Variants in TBC1D22B observed in about 807,000 individuals in gnomAD.
TBC1D22B encodes chromosome 6 open reading frame 197.
A neutral mutation model predicts 69.1 loss-of-function variants in TBC1D22B; 32 were observed. The observed-to-expected ratio is 0.46, with a 90% CI of 0.35 to 0.62. The LOEUF is 0.62. Among genes scored for constraint, TBC1D22B ranks in the 20% least tolerant of loss-of-function variants. The pLI, the probability that TBC1D22B is intolerant of heterozygous loss-of-function variation, is 0.00. For synonymous variants in TBC1D22B, 206 were observed against 229.8 expected (o/e 0.90, Z 0.94); for missense variants, 462 against 630.9 (o/e 0.73, Z 2.87).
rs769489560 is a variant in TBC1D22B, at chr6:37,257,891, C to A, written c.-27C>A. 6.8e-6 allele frequency: 11 copies of A among 1,611,924 alleles called. No individual in the cohort carries two copies. The East Asian group carries it at 2.5e-4, about 36-fold the overall frequency. ...CTCGCCGGGCAAACCCTTGGCCCGC[C>A]TACAAGGACTTCCCCCGGCCAGAGC... On this transcript the variant is annotated 5_prime_UTR_variant, in exon 1 of 13. Coordinates refer to ENST00000373491, the MANE Select transcript of TBC1D22B (RefSeq NM_017772.4).
intron 12 of TBC1D22B, among the ~76,000 whole-genome samples, chr6:37,330,827 G>A (rs1235761273): frequency 1.3e-5 from 2 of 152,148 alleles, no homozygotes; most frequent in African/African-American, 4.8e-5. Flanking sequence ...AGAGACAGGT[G>A]TTAGTGGACT....
intron 12 of TBC1D22B, among the ~76,000 whole-genome samples, chr6:37,327,414 CT>C (rs1768450168): frequency 9.9e-6 from 1 of 101,130 alleles, no homozygotes; most frequent in Admixed American, 1.5e-4. Context: ...GGAGGCGGAG[CT>C]TGCAGTGAGC....
At chr6:37,326,598 C>T (rs997684149) in intron 12 of TBC1D22B, among the ~76,000 whole-genome samples, 1 of 152,022 alleles carries the variant, frequency 6.6e-6, no homozygotes, top group African/African-American at 2.4e-5. Context: ...ATCATCCTGG[C>T]TTAACGGTGA....
intron 8 of TBC1D22B, among the ~76,000 whole-genome samples, chr6:37,303,192 G>T (rs1220109527): frequency 1.3e-5 from 2 of 152,156 alleles, no homozygotes; most frequent in Non-Finnish European, 2.9e-5. Flanking sequence ...ATACACTTAG[G>T]GGTCCTGTCA....
chr6:37,266,930 CTTTTTTTTTTTTTT>C (rs35702920), intron 1 of TBC1D22B, among the ~76,000 whole-genome samples: 2 of 54,858 alleles, frequency 3.6e-5, no homozygotes, highest in African/African-American at 1.5e-4. Context: ...TTTTCTTCGT[CTTTTTTTTTTTTTT>C]TTTTTTTTTT....
At chr6:37,268,290 A>C (rs922198364) in intron 1 of TBC1D22B, among the ~76,000 whole-genome samples, 1 of 151,790 alleles carries the variant, frequency 6.6e-6, no homozygotes, top group African/African-American at 2.4e-5. Context: ...GCTGGAGTGC[A>C]GTGGTGTGCT....
At chr6:37,280,280 C>T (rs900054668) in intron 3 of TBC1D22B, among the ~76,000 whole-genome samples, 1 of 152,032 alleles carries the variant, frequency 6.6e-6, no homozygotes, top group African/African-American at 2.4e-5. Context: ...TTTAATGTTG[C>T]CCTAATGGGT....
chr6:37,257,841 C>T lies in TBC1D22B; in HGVS notation c.-77C>T. On this transcript the variant is annotated 5_prime_UTR_variant, in exon 1 of 13. Transcript: ENST00000373491. ...GGCGGGGAAGCGGCCTGGGTTGGCC[C>T]TCAGATTGCGGGGTCTGGGGGCATC... is the stretch of plus-strand genomic sequence containing the variant. 4 of 1,536,150 alleles carry T rather than the reference C, an allele frequency of 2.6e-6. No homozygotes were observed. Among genetic ancestry groups the T allele is most frequent in the Non-Finnish European group, 3.5e-6 (4 of 1,131,114 alleles).
At chr6:37,315,029 A>G (rs1325376735) in intron 10 of TBC1D22B, among the ~76,000 whole-genome samples, 1 of 152,014 alleles carries the variant, frequency 6.6e-6, no homozygotes, top group Non-Finnish European at 1.5e-5. Flanking sequence ...ACATCCCTCA[A>G]CCGGAGCCTA....
intron 8 of TBC1D22B, among the ~76,000 whole-genome samples, chr6:37,312,000 G>C (rs1289797786): frequency 6.6e-6 from 1 of 152,308 alleles, no homozygotes; most frequent in East Asian, 1.9e-4. Context: ...TTTCTGGAAG[G>C]CTGCTTATGT....
At chr6:37,286,536 C>T (rs1397598640) in intron 6 of TBC1D22B, among the ~76,000 whole-genome samples, 5 of 151,768 alleles carry the variant, frequency 3.3e-5, no homozygotes, top group South Asian at 2.1e-4. Context: ...AGGATGGTCT[C>T]GATCTCCTGA....
chr6:37,300,523 GC>G (rs1191707271), intron 8 of TBC1D22B, among the ~76,000 whole-genome samples: 1 of 151,958 alleles, frequency 6.6e-6, no homozygotes, highest in African/African-American at 2.4e-5. Context: ...ACTATGCCTG[GC>G]TAATTTTTGT....
chr6:37,264,639 T>A (rs559724650), intron 1 of TBC1D22B, among the ~76,000 whole-genome samples: 1 of 152,274 alleles, frequency 6.6e-6, no homozygotes, highest in East Asian at 1.9e-4. Context: ...AGTTTATTTT[T>A]AAAAAGTAAT....
intron 8 of TBC1D22B, among the ~76,000 whole-genome samples, chr6:37,293,860 A>C (rs1390537451): frequency 6.6e-6 from 1 of 152,204 alleles, no homozygotes; most frequent in Non-Finnish European, 1.5e-5. Context: ...GCTGATATGG[A>C]TAGAAGAATG....
chr6:37,300,860 A>G (rs1333682203), intron 8 of TBC1D22B, among the ~76,000 whole-genome samples: 1 of 152,200 alleles, frequency 6.6e-6, no homozygotes, highest in Non-Finnish European at 1.5e-5. Flanking sequence ...TTTGAGGTGC[A>G]CAATACAGTA....
chr6:37,311,327 A>G (rs1033825573), intron 8 of TBC1D22B, among the ~76,000 whole-genome samples: 8 of 151,582 alleles, frequency 5.3e-5, no homozygotes, highest in African/African-American at 1.9e-4. Flanking sequence ...GAGTTGTTAC[A>G]TGTTTTCTCA....
In TBC1D22B at chr6:37,321,689, G is replaced by A. The variant is rs573178441; in HGVS notation, c.1389+4483G>A. ...CTCTAATGCTCCAGGGTGGACTGCAGCAGGGAGCCCCCAGGGCTGGTGCAG... is the reference window on the plus strand; with the variant it reads ...CTCTAATGCTCCAGGGTGGACTGCAACAGGGAGCCCCCAGGGCTGGTGCAG... On this transcript the variant is annotated intron_variant, in intron 12 of 12. Coordinates refer to ENST00000373491, the MANE Select transcript of TBC1D22B (RefSeq NM_017772.4). 5.0e-4 allele frequency among the ~76,000 whole-genome samples: 76 copies of A among 152,286 alleles called. 1 individual carries two copies. The highest frequency in any genetic ancestry group is 3.1e-3 in the South Asian group (15 of 4,818).
At chr6:37,279,187 G>A in intron 2 of TBC1D22B, 117 bp from the exon 3 acceptor site, 1 of 1,038,664 alleles carries the variant, frequency 9.6e-7, no homozygotes, top group South Asian at 1.7e-5. Flanking sequence ...TTTGTTTGAA[G>A]AAGCTAATGA....
At chr6:37,329,532 T>C (rs557478356) in intron 12 of TBC1D22B, among the ~76,000 whole-genome samples, 1 of 152,386 alleles carries the variant, frequency 6.6e-6, no homozygotes, top group East Asian at 1.9e-4. Flanking sequence ...AAAGACCATG[T>C]GCATTTCTTA....
Sources: allele counts gnomAD v4.1 joint callset (sites outside exome capture counted in the v4.1 genomes callset), GRCh38; gene constraint gnomAD v4.1.1; transcripts MANE v1.5; gene names NCBI Gene and HGNC (gene_info 2026-07-23, HGNC 2026-07-21).